The following TRERF1 variants were observed in gnomAD, a reference collection of about 807,000 sequenced individuals.
The protein encoded by TRERF1 is transcriptional-regulating factor 1.
In TRERF1, 27 loss-of-function variants were observed where a neutral mutation model predicts 122.9. The ratio of observed to expected loss-of-function variants is 0.22; its 90% confidence interval spans 0.16 to 0.30. The LOEUF is 0.30. TRERF1 is among the 10% of genes least tolerant of loss of function. The pLI, the probability that TRERF1 is intolerant of heterozygous loss-of-function variation, is 1.00. For missense variants in TRERF1, 1,248 were observed against 1,560.3 expected (o/e 0.80, Z 3.37); for synonymous variants, 636 against 641.7 (o/e 0.99, Z 0.13).
At chr6:42,423,178 C>T (rs1783055594) in intron 2 of TRERF1, among the ~76,000 whole-genome samples, 1 of 152,148 alleles carries the variant, frequency 6.6e-6, no homozygotes, top group Admixed American at 6.5e-5. Context: ...ATGCTTTATC[C>T]ATCCCCAGAG....
In TRERF1 at chr6:42,443,840, T is replaced by C. The variant is rs73735632; in HGVS notation, c.-454+7337A>G. ...ATGTTTCGCTGGCTGTCAGATTTTA[T>C]ATCTGAAAAGAAGACCTGGCTGAAG... On this transcript the variant is annotated intron_variant, in intron 2 of 17. Coordinates refer to ENST00000372922, the Ensembl canonical transcript of TRERF1. 4.0e-3 allele frequency among the ~76,000 whole-genome samples: 615 copies of C among 152,344 alleles called. 5 individuals are homozygous for C. The highest frequency in any genetic ancestry group is 0.014 in the African/African-American group (589 of 41,574).
At chr6:42,413,856 T>C (rs1781467208) in intron 2 of TRERF1, among the ~76,000 whole-genome samples, 1 of 152,034 alleles carries the variant, frequency 6.6e-6, no homozygotes, top group African/African-American at 2.4e-5. Context: ...AAAGAAAAAT[T>C]AAAAGTGAAA....
At chr6:42,306,965 G>T (rs1787375513) in intron 3 of TRERF1, among the ~76,000 whole-genome samples, 1 of 152,100 alleles carries the variant, frequency 6.6e-6, no homozygotes, top group South Asian at 2.1e-4. Flanking sequence ...TAGAAACCAG[G>T]GATGCCTGGG....
intron 3 of TRERF1, among the ~76,000 whole-genome samples, chr6:42,302,363 T>C (rs1786364187): frequency 6.6e-6 from 1 of 152,254 alleles, no homozygotes; most frequent in East Asian, 1.9e-4. Flanking sequence ...CATTTGAATG[T>C]TTAAGAGAAA....
intron 13 of TRERF1, 102 bp downstream of exon 13, chr6:42,254,749 A>T: frequency 9.2e-7 from 1 of 1,083,098 alleles, no homozygotes; most frequent in Non-Finnish European, 1.4e-6. Flanking sequence ...AGTGGTGATT[A>T]GGACAGAACC....
intron 3 of TRERF1, among the ~76,000 whole-genome samples, chr6:42,341,022 A>G (rs576121157): frequency 1.3e-5 from 2 of 152,322 alleles, no homozygotes; most frequent in African/African-American, 4.8e-5. Context: ...GTTCCAAAAC[A>G]GTCCCCCGTG....
chr6:42,392,357 G>A (rs1368276986), intron 2 of TRERF1, among the ~76,000 whole-genome samples: 1 of 152,128 alleles, frequency 6.6e-6, no homozygotes, highest in African/African-American at 2.4e-5. Flanking sequence ...TATGTGACTG[G>A]AGTGATCATT....
intron 10 of TRERF1, 120 bp downstream of exon 10, chr6:42,258,015 C>A: frequency 1.2e-6 from 1 of 865,090 alleles, no homozygotes; most frequent in Non-Finnish European, 1.8e-6. Flanking sequence ...CAAGAAATAA[C>A]CACGATCCTA....
Position 42,268,571 on chromosome 6 carries a change from C to T in TRERF1, c.1020G>A (p.Gln340=), listed in dbSNP as rs1779650678. 2.5e-6 allele frequency: 4 copies of T among 1,614,124 alleles called. No individual in the cohort carries two copies. The highest frequency in any genetic ancestry group is 3.4e-6 in the Non-Finnish European group (4 of 1,179,972). ...GAGGCTGCAGGTGCATCTGTTGCTGCTGCTGCTCTTGCAAGTGCTGCATCA... is the reference window on the plus strand; with the variant it reads ...GAGGCTGCAGGTGCATCTGTTGCTGTTGCTGCTCTTGCAAGTGCTGCATCA... Residue 340 remains glutamine, a synonymous_variant, in exon 5 of 18, where the codon CAG becomes CAA. Transcript: ENST00000372922. The surrounding 1 kb of genome is among the most constrained non-coding windows in gnomAD (Gnocchi z 4.4).
At position 42,276,196 on chromosome 6, in the gene TRERF1, T is replaced by C. The variant is rs181965111; in HGVS notation, c.-258-6348A>G. On this transcript the variant is annotated intron_variant, in intron 4 of 17. Coordinates refer to ENST00000372922, the Ensembl canonical transcript of TRERF1. This position sits in a 1 kb window ranked among gnomAD's most constrained non-coding sequence, Gnocchi z 4.3. ...CCGCAGTCTGCAAGAAGGATATCTG[T>C]CCTAAGGGCCACCCTTTGAACCAGA... Among the ~76,000 whole-genome samples the C allele has an allele frequency of 3.7e-4, 57 of 152,196 alleles. No individual in the cohort carries two copies. Among genetic ancestry groups the C allele is most frequent in the African/African-American group, 1.2e-3 (49 of 41,524 alleles).
exon 13 of TRERF1, chr6:42,254,911 G>C: frequency 6.2e-7 from 1 of 1,614,184 alleles, no homozygotes; most frequent in Non-Finnish European, 8.5e-7. Context: ...CGCAGTAGCA[G>C]CATTTCCAGA....
chr6:42,306,820 G>A (rs1787347246), intron 3 of TRERF1, among the ~76,000 whole-genome samples: 1 of 152,226 alleles, frequency 6.6e-6, no homozygotes, highest in Non-Finnish European at 1.5e-5. Flanking sequence ...TCAATTATGT[G>A]ATTAACGAGT....
intron 3 of TRERF1, among the ~76,000 whole-genome samples, chr6:42,313,619 G>T (rs1762029268): frequency 6.6e-6 from 1 of 152,134 alleles, no homozygotes; most frequent in African/African-American, 2.4e-5. Flanking sequence ...CCCAGAACAA[G>T]GAATTCCCTT....
intron 4 of TRERF1, among the ~76,000 whole-genome samples, chr6:42,274,290 T>TA (rs1462272895): frequency 1.3e-5 from 2 of 152,098 alleles, no homozygotes; most frequent in Non-Finnish European, 2.9e-5. Context: ...CTCTCCACAT[T>TA]ACAGATGAGG....
chr6:42,402,801 C>T (rs1308035811), intron 2 of TRERF1, among the ~76,000 whole-genome samples: 6 of 152,150 alleles, frequency 3.9e-5, no homozygotes, highest in Non-Finnish European at 7.3e-5. Flanking sequence ...ATTCTAAGTC[C>T]GGACTAGCTG....
intron 3 of TRERF1, among the ~76,000 whole-genome samples, chr6:42,330,540 AT>A (rs775637996): frequency 1.3e-4 from 20 of 152,362 alleles, no homozygotes; most frequent in Admixed American, 2.6e-4. Flanking sequence ...TATAAAGAGA[AT>A]TTTAGCAATA....
intron 4 of TRERF1, among the ~76,000 whole-genome samples, chr6:42,288,284 G>A (rs1327152763): frequency 2.0e-5 from 3 of 151,984 alleles, no homozygotes; most frequent in Non-Finnish European, 4.4e-5. Context: ...AGATAGGGCC[G>A]AGGGCCGGGC....
intron 3 of TRERF1, among the ~76,000 whole-genome samples, chr6:42,347,063 C>T (rs978428689): frequency 6.6e-6 from 1 of 152,222 alleles, no homozygotes; most frequent in African/African-American, 2.4e-5. Flanking sequence ...TTCACAGACA[C>T]GAGCTTATCA....
chr6:42,239,838 T>C (rs868620990), intron 15 of TRERF1, among the ~76,000 whole-genome samples: 14 of 152,126 alleles, frequency 9.2e-5, no homozygotes, highest in Admixed American at 2.6e-4. Context: ...AGCTGCCATA[T>C]TGGCCTTTAA....
Sources: allele counts gnomAD v4.1 joint callset (sites outside exome capture counted in the v4.1 genomes callset), GRCh38; gene constraint gnomAD v4.1.1; non-coding constraint Gnocchi (gnomAD v3.1); transcripts MANE v1.5; gene names NCBI Gene and HGNC (gene_info 2026-07-23, HGNC 2026-07-21).